Variants in IL17RD observed in about 807,000 individuals in gnomAD.
IL17RD encodes interleukin 17 receptor D, also known as interleukin-17 receptor D.
Under a neutral mutation model 80.5 loss-of-function variants are expected in IL17RD, and 52 were observed. The observed-to-expected ratio is 0.65, with a 90% CI of 0.52 to 0.81. IL17RD has a LOEUF of 0.81. Ranked by LOEUF, IL17RD falls within the 40% of genes least tolerant of loss-of-function variation. The probability of loss-of-function intolerance (pLI) is 0.00; values close to 1 mark genes in which losing one functional copy is unlikely to be tolerated. For synonymous variants in IL17RD, 416 were observed against 391.8 expected, an observed-to-expected ratio of 1.06 and a Z score of -0.73; for missense variants, 1,024 against 955.1, an observed-to-expected ratio of 1.07 and a Z score of -0.95.
upstream of IL17RD, among the ~76,000 whole-genome samples, chr3:57,167,630 A>G (rs2060353954): frequency 6.6e-6 from 1 of 152,238 alleles, no homozygotes; most frequent in African/African-American, 2.4e-5. Context: ...TGTTAGAATC[A>G]GTGATTCAAA....
chr3:57,166,105 G>C (rs1379567587), upstream of IL17RD, among the ~76,000 whole-genome samples: 1 of 152,144 alleles, frequency 6.6e-6, no homozygotes, highest in Admixed American at 6.5e-5. Flanking sequence ...TATTATTTCT[G>C]TTTGGAAGAG....
intron 1 of IL17RD, among the ~76,000 whole-genome samples, chr3:57,153,385 C>G (rs1362148901): frequency 6.6e-6 from 1 of 152,204 alleles, no homozygotes; most frequent in Non-Finnish European, 1.5e-5. Flanking sequence ...ATATTTGAAC[C>G]TATTCATGAG....
intron 11 of IL17RD, 85 bp from the exon 12 acceptor site, chr3:57,098,623 AG>A: frequency 3.4e-6 from 3 of 888,326 alleles, no homozygotes; most frequent in Non-Finnish European, 5.3e-6. Context: ...AAATGTCAGA[AG>A]GAGGCCATCT....
intron 2 of IL17RD, among the ~76,000 whole-genome samples, chr3:57,116,912 A>C (rs988105909): frequency 6.6e-6 from 1 of 151,304 alleles, no homozygotes; most frequent in African/African-American, 2.4e-5. Context: ...AAAAAAAGCA[A>C]GATCCTGTCA....
rs922077252 is a variant in IL17RD at position 57,128,822 on chromosome 3, C to T, written c.127-8509G>A. Among the ~76,000 whole-genome samples, 6 of 152,252 alleles carry T rather than the reference C, an allele frequency of 3.9e-5. No homozygotes were observed. In the East Asian group the frequency reaches 1.2e-3, roughly 29 times the overall value. ...CGCAATGCACACAAGCAAACTTTCTCCCTGGGTTTAAAAACAAGGCAAAAC... is the reference window on the plus strand; with the variant it reads ...CGCAATGCACACAAGCAAACTTTCTTCCTGGGTTTAAAAACAAGGCAAAAC... On this transcript the variant is annotated intron_variant, in intron 1 of 12. Coordinates refer to ENST00000296318, the MANE Select transcript of IL17RD (RefSeq NM_017563.5).
At chr3:57,135,915 C>T (rs911869181) in intron 1 of IL17RD, among the ~76,000 whole-genome samples, 2 of 152,188 alleles carry the variant, frequency 1.3e-5, no homozygotes, top group Admixed American at 6.5e-5. Flanking sequence ...GCACAGTATA[C>T]ACACGTTGAT....
At chr3:57,155,989 C>T (rs1352293910) in intron 1 of IL17RD, among the ~76,000 whole-genome samples, 1 of 152,156 alleles carries the variant, frequency 6.6e-6, no homozygotes, top group Non-Finnish European at 1.5e-5. Flanking sequence ...CTCTTATTGC[C>T]TCATTTTAAT....
At chr3:57,134,531 C>CA in intron 1 of IL17RD, 1 of 1,362,918 alleles carries the variant, frequency 7.3e-7, no homozygotes, top group Non-Finnish European at 1.0e-6. Flanking sequence ...GGAATGTGTT[C>CA]AAAAACAAGT....
intron 1 of IL17RD, among the ~76,000 whole-genome samples, chr3:57,162,624 C>T (rs760887186): frequency 1.1e-4 from 17 of 152,162 alleles, no homozygotes; most frequent in Non-Finnish European, 2.2e-4. Flanking sequence ...TGTAAAGGAA[C>T]ACAGGCAGGA....
intron 1 of IL17RD, among the ~76,000 whole-genome samples, chr3:57,151,407 T>C (rs2060219359): frequency 1.3e-5 from 2 of 152,202 alleles, no homozygotes; most frequent in Admixed American, 1.3e-4. Flanking sequence ...AAATTGTCTT[T>C]TGCATTTAAA....
chr3:57,119,604 G>A (rs746654343), intron 2 of IL17RD, among the ~76,000 whole-genome samples: 2 of 152,158 alleles, frequency 1.3e-5, no homozygotes, highest in African/African-American at 2.4e-5. Flanking sequence ...CCTGGTCAGC[G>A]ATGGCCAACC....
chr3:57,154,305 C>CACACACACACACAT (rs1382126051), intron 1 of IL17RD, among the ~76,000 whole-genome samples: 1 of 147,886 alleles, frequency 6.8e-6, no homozygotes, highest in African/African-American at 2.5e-5. Flanking sequence ...CACACACATA[C>CACACACACACACAT]ATACACGTCA....
At chr3:57,101,125 A>C in intron 11 of IL17RD, 54 bp downstream of exon 11, 2 of 1,432,698 alleles carry the variant, frequency 1.4e-6, no homozygotes, top group Non-Finnish European at 1.9e-6. Context: ...GCGGGGAGAG[A>C]GTACAGGGCA....
chr3:57,109,739 A>C, intron 4 of IL17RD, 82 bp from the exon 5 acceptor site: 3 of 1,373,486 alleles, frequency 2.2e-6, no homozygotes, highest in Non-Finnish European at 2.0e-6. Context: ...TCCTACCCCA[A>C]CTGCCACCCA....
Position 57,105,848 on chromosome 3 carries a change from G to C in IL17RD, c.747+9C>G, listed in dbSNP as rs1357706999. ...CGCAGTGTTCCTTTATATACACCCAGCAGCTCACCTGCTTACAGGTCTTTC... is the reference window on the plus strand; with the variant it reads ...CGCAGTGTTCCTTTATATACACCCACCAGCTCACCTGCTTACAGGTCTTTC... On this transcript the variant is annotated intron_variant, in intron 7 of 12. Transcript: ENST00000296318. 6.2e-7 allele frequency: 1 copy of C among 1,612,752 alleles called. No homozygotes were observed. Among genetic ancestry groups the C allele is most frequent in the Admixed American group, 1.7e-5 (1 of 59,970 alleles).
intron 2 of IL17RD, among the ~76,000 whole-genome samples, chr3:57,118,657 A>G (rs1043412470): frequency 6.6e-6 from 1 of 152,176 alleles, no homozygotes; most frequent in Non-Finnish European, 1.5e-5. Context: ...AAAACAGTTC[A>G]GTCAGAAAGA....
At chr3:57,158,962 G>T (rs2060285747) in intron 1 of IL17RD, among the ~76,000 whole-genome samples, 1 of 152,198 alleles carries the variant, frequency 6.6e-6, no homozygotes, top group African/African-American at 2.4e-5. Flanking sequence ...TGCAAATAGA[G>T]AAAGCAGCAG....
intron 5 of IL17RD, among the ~76,000 whole-genome samples, chr3:57,108,969 T>C (rs1579269152): frequency 6.6e-6 from 1 of 151,508 alleles, no homozygotes; most frequent in Admixed American, 6.6e-5. Context: ...TTAGCGGTGG[T>C]CACAGCACCC....
chr3:57,168,193 G>T (rs950279959), upstream of IL17RD, among the ~76,000 whole-genome samples: 1 of 152,146 alleles, frequency 6.6e-6, no homozygotes, highest in African/African-American at 2.4e-5. Context: ...ACTTACAAGA[G>T]AAAGAGAACC....
Sources: allele counts gnomAD v4.1 joint callset (sites outside exome capture counted in the v4.1 genomes callset), GRCh38; gene constraint gnomAD v4.1.1; transcripts MANE v1.5; gene names NCBI Gene and HGNC (gene_info 2026-07-23, HGNC 2026-07-21).